The following UGT1A10 variants were observed in gnomAD, a reference collection of about 807,000 sequenced individuals.
UGT1A10 encodes the protein UDP glucuronosyltransferase family 1 member A10.
UGT1A10 carries 49 observed loss-of-function variants against 45.8 expected under a neutral mutation model. The observed-to-expected ratio is 1.07, with a 90% CI of 0.85 to 1.36. The LOEUF (loss-of-function observed/expected upper bound fraction) is 1.36, where lower values mean the gene tolerates loss of function less well. UGT1A10 is among the 40% of genes most tolerant of loss of function. The pLI is 0.00. For missense variants in UGT1A10, 745 were observed against 668.6 expected (o/e 1.11, Z -1.26); for synonymous variants, 284 against 249.7 (o/e 1.14, Z -1.29).
intron 1 of UGT1A10, chr2:233,693,061 A>G (rs1042707): frequency 6.2e-7 from 1 of 1,614,096 alleles, no homozygotes; most frequent in African/African-American, 1.3e-5. Context: ...TCTTCTTAGC[A>G]CTTTGGGGCA....
intron 1 of UGT1A10, among the ~76,000 whole-genome samples, chr2:233,701,252 G>A (rs1473537336): frequency 6.6e-6 from 1 of 152,058 alleles, no homozygotes; most frequent in Non-Finnish European, 1.5e-5. Flanking sequence ...AGATGGCTGG[G>A]TCAAATGGTA....
rs766536479 is a variant in UGT1A10 at position 233,760,908 on chromosome 2, G to GCAGC, written c.856-6125_856-6122dup. ...CTCATTCAGATCACATGACCTTCCT[G>GCAGC]CAGCGGGTGAAGAACATGCTCATTG... is the stretch of plus-strand genomic sequence containing the variant. On this transcript the variant is annotated intron_variant, in intron 1 of 4. Coordinates refer to ENST00000344644, the MANE Select transcript of UGT1A10 (RefSeq NM_019075.4). 8 of 1,614,152 alleles carry GCAGC rather than the reference G, an allele frequency of 5.0e-6. No individual in the cohort carries two copies. The South Asian group carries it at 8.8e-5, about 18-fold the overall frequency.
chr2:233,734,458 A>G lies in UGT1A10; in HGVS notation c.856-32576A>G, dbSNP rs561790564. On this transcript the variant is annotated intron_variant, in intron 1 of 4. Coordinates refer to ENST00000344644, the MANE Select transcript of UGT1A10 (RefSeq NM_019075.4). ...TGCCAGAGGTCTATCAATTTTCAAAATCCATCTCCTGGATTCATTGATTTT... is the reference window on the plus strand; with the variant it reads ...TGCCAGAGGTCTATCAATTTTCAAAGTCCATCTCCTGGATTCATTGATTTT... 1.5e-3 allele frequency among the ~76,000 whole-genome samples: 233 copies of G among 152,160 alleles called. 2 individuals carry two copies. The highest frequency in any genetic ancestry group is 5.3e-3 in the African/African-American group (218 of 41,522).
At chr2:233,772,163 T>C in intron 4 of UGT1A10, 99 bp from the exon 5 acceptor site, 2 of 1,568,298 alleles carry the variant, frequency 1.3e-6, no homozygotes, top group South Asian at 1.2e-5. Context: ...TTCCCAAGTT[T>C]GGAAAATCTG....
chr2:233,729,632 C>T, intron 1 of UGT1A10: 1 of 1,613,894 alleles, frequency 6.2e-7, no homozygotes, highest in Non-Finnish European at 8.5e-7. Flanking sequence ...TCGATTCCTA[C>T]TGTGTTTTTT....
At chr2:233,726,854 A>G (rs980426931) in intron 1 of UGT1A10, among the ~76,000 whole-genome samples, 2 of 152,058 alleles carry the variant, frequency 1.3e-5, no homozygotes, top group Non-Finnish European at 2.9e-5. Context: ...CCTTTTCTCC[A>G]TAGTCTTCTA....
chr2:233,675,418 TA>T (rs1436789609), intron 1 of UGT1A10, among the ~76,000 whole-genome samples: 1 of 152,174 alleles, frequency 6.6e-6, no homozygotes, highest in Non-Finnish European at 1.5e-5. Context: ...CCAACAGAAT[TA>T]ATGACTGGTT....
At chr2:233,688,607 C>T (rs970672197) in intron 1 of UGT1A10, among the ~76,000 whole-genome samples, 1 of 152,040 alleles carries the variant, frequency 6.6e-6, no homozygotes, top group Non-Finnish European at 1.5e-5. Flanking sequence ...AGAATAACAC[C>T]CTCAGCAAAC....
intron 1 of UGT1A10, among the ~76,000 whole-genome samples, chr2:233,724,367 G>T (rs1413054411): frequency 2.0e-5 from 3 of 147,986 alleles, no homozygotes; most frequent in Admixed American, 1.3e-4. Context: ...CCCGGACGGG[G>T]TGGCTGCCGG....
rs967230937 is a variant in UGT1A10 at position 233,644,771 on chromosome 2, C to CT, written c.855+7404dup. On this transcript the variant is annotated intron_variant, in intron 1 of 4. Coordinates refer to ENST00000344644, the MANE Select transcript of UGT1A10 (RefSeq NM_019075.4). The stretch of plus-strand genomic sequence containing the variant: ...GTTGGGTGACATAGGAGATGCAGAA[C>CT]TTTTTTTTTTCTATTTCTTCAGTGT... Among the ~76,000 whole-genome samples the CT allele has an allele frequency of 2.3e-4, 34 of 149,742 alleles. No individual in the cohort carries two copies. The East Asian group carries it at 4.5e-3, about 20-fold the overall frequency.
intron 3 of UGT1A10, 102 bp from the exon 4 acceptor site, chr2:233,768,118 G>A (rs1575832144): frequency 6.2e-7 from 1 of 1,600,328 alleles, no homozygotes; most frequent in South Asian, 1.1e-5. Context: ...GCAAGGGCAT[G>A]TGAGTAACAC....
intron 1 of UGT1A10, chr2:233,739,100 G>C (rs1263190228): frequency 6.6e-6 from 1 of 152,274 alleles, no homozygotes; most frequent in African/African-American, 2.4e-5. Context: ...TCGATGTGGT[G>C]TTGGGCCTGC....
rs1325000150 is a variant in UGT1A10, at chr2:233,680,537, C to A, written c.855+43160C>A. Among the ~76,000 whole-genome samples the A allele has an allele frequency of 2.0e-5, 3 of 152,106 alleles. No individual in the cohort carries two copies. The East Asian group carries it at 5.8e-4, about 29-fold the overall frequency. The stretch of plus-strand genomic sequence containing the variant: ...TATGCCCTGAGGTTGGCTGTTGAAT[C>A]CCTCACGAAATGCTCCTCAGTGTGT... On this transcript the variant is annotated intron_variant, in intron 1 of 4. Coordinates refer to ENST00000344644, the MANE Select transcript of UGT1A10 (RefSeq NM_019075.4).
chr2:233,718,056 A>T (rs1203878997), intron 1 of UGT1A10: 5 of 356,546 alleles, frequency 1.4e-5, no homozygotes, highest in Non-Finnish European at 2.8e-5. Flanking sequence ...CCCTGAACCC[A>T]CCGTGGGTCC....
At chr2:233,690,354 A>G (rs1451688714) in intron 1 of UGT1A10, among the ~76,000 whole-genome samples, 2 of 152,190 alleles carry the variant, frequency 1.3e-5, no homozygotes, top group African/African-American at 2.4e-5. Flanking sequence ...TTAGCACCTT[A>G]GAAGCAAACC....
intron 1 of UGT1A10, chr2:233,750,737 C>T (rs1464125177): frequency 6.6e-6 from 1 of 151,908 alleles, no homozygotes; most frequent in Non-Finnish European, 1.5e-5. Context: ...AGGGTGCAAA[C>T]CTCAAGCCTT....
chr2:233,675,529 C>G (rs1050084763), intron 1 of UGT1A10, among the ~76,000 whole-genome samples: 2 of 152,104 alleles, frequency 1.3e-5, no homozygotes, highest in Non-Finnish European at 2.9e-5. Context: ...TGTGCTTCCC[C>G]CCTTGCTGTA....
chr2:233,731,397 T>A (rs2078153818), intron 1 of UGT1A10, among the ~76,000 whole-genome samples: 1 of 152,046 alleles, frequency 6.6e-6, no homozygotes, highest in South Asian at 2.1e-4. Context: ...CAACTCGTCA[T>A]TTACATTAGG....
At chr2:233,651,580 A>C (rs924124178) in intron 1 of UGT1A10, among the ~76,000 whole-genome samples, 1 of 152,240 alleles carries the variant, frequency 6.6e-6, no homozygotes, top group Non-Finnish European at 1.5e-5. Flanking sequence ...GCCCTTTGAC[A>C]AAGAGCCTTG....
Sources: allele counts gnomAD v4.1 joint callset (sites outside exome capture counted in the v4.1 genomes callset), GRCh38; gene constraint gnomAD v4.1.1; transcripts MANE v1.5; gene names NCBI Gene and HGNC (gene_info 2026-07-23, HGNC 2026-07-21).